The following BSX variants were observed in gnomAD, a reference collection of about 807,000 sequenced individuals.
BSX encodes brain-specific homeobox protein homolog.
A neutral mutation model predicts 16.9 loss-of-function variants in BSX; 12 were observed. The ratio of observed to expected loss-of-function variants is 0.71; its 90% confidence interval spans 0.46 to 1.15. The LOEUF (loss-of-function observed/expected upper bound fraction) is 1.15, where lower values mean the gene tolerates loss of function less well. Ranked by LOEUF, BSX falls within the 50% of genes most tolerant of loss-of-function variation. The pLI is 0.00. For missense variants in BSX, 292 were observed against 311.8 expected, an observed-to-expected ratio of 0.94 and a Z score of 0.48; for synonymous variants, 160 against 136.4, an observed-to-expected ratio of 1.17 and a Z score of -1.20.
In BSX at chr11:122,979,448, A is replaced by T; in HGVS notation, c.272T>A (p.Val91Asp). 1 of 1,611,728 alleles carries T rather than the reference A, an allele frequency of 6.2e-7. No homozygotes were observed. The highest frequency in any genetic ancestry group is 8.5e-7 in the Non-Finnish European group (1 of 1,179,588). ...CTGCGGGTGCGGGAACAGCGCTGGG[A>T]CTGGCATCCCTGCAGAGAGAAGAGC... ...PYFLTTSGMP[V>D]PALFPHPQHA... Residue 91 changes from valine to aspartate, a missense_variant, in exon 2 of 3, where the codon GTC becomes GAC. Val to Asp is a radical substitution (Grantham distance 152). This residue lies in a region of BSX where 176 missense variants were observed against 187.2 expected (regional missense o/e 0.94). Coordinates refer to ENST00000343035, the MANE Select transcript of BSX (RefSeq NM_001098169.2).
chr11:122,977,614 C>T lies in BSX; in HGVS notation c.*35G>A. On this transcript the variant is annotated 3_prime_UTR_variant, in exon 3 of 3. Transcript: ENST00000343035. The surrounding 1 kb of genome is among the most constrained non-coding windows in gnomAD (Gnocchi z 4.5). ...GGAACCGCGCTCGGCCCCGCAGTCT[C>T]CTCCCCTGCCTACTACCCTCCCCAG... 1.3e-6 allele frequency: 2 copies of T among 1,585,546 alleles called. No homozygotes were observed. The highest frequency in any genetic ancestry group is 1.7e-6 in the Non-Finnish European group (2 of 1,173,688).
At position 122,981,725 on chromosome 11, in the gene BSX, G is replaced by C; in HGVS notation, c.-54C>G. ...GGGCCGGGACGAAGTGGAGGACGCA[G>C]GCAGAGTCTCCAAGCCTGCTCGAAA... On this transcript the variant is annotated 5_prime_UTR_variant, in exon 1 of 3. Transcript: ENST00000343035. 1 of 1,513,622 alleles carries C rather than the reference G, an allele frequency of 6.6e-7. No individual in the cohort carries two copies. Among genetic ancestry groups the C allele is most frequent in the South Asian group, 1.3e-5 (1 of 77,246 alleles). The allele number at this position is 1,513,622 out of a possible 1,614,324, so 93.8% of individuals were successfully genotyped here.
rs1864521319 is a variant in BSX, at chr11:122,978,146, C to T, written c.460-255G>A. ...TGCATATTGTTATGAATTAGAACTA[C>T]TAATAGTAGGTGCTGCGTGGGCAAG... is the stretch of plus-strand genomic sequence containing the variant. On this transcript the variant is annotated intron_variant, in intron 2 of 2. Transcript: ENST00000343035. 2.6e-5 allele frequency among the ~76,000 whole-genome samples: 4 copies of T among 152,148 alleles called. No homozygotes were observed. In the South Asian group the frequency reaches 8.3e-4, roughly 31 times the overall value.
At chr11:122,979,133 G>T in intron 2 of BSX, 128 bp downstream of exon 2, 1 of 957,544 alleles carries the variant, frequency 1.0e-6, no homozygotes, top group Middle Eastern at 2.2e-4. Context: ...AAAGCTCTTG[G>T]GAAAGGCTTA....
In BSX at chr11:122,977,817, T is replaced by C; in HGVS notation, c.534A>G (p.Ala178=). 6.2e-7 allele frequency: 1 copy of C among 1,613,930 alleles called. No homozygotes were observed. Among genetic ancestry groups the C allele is most frequent in the Non-Finnish European group, 8.5e-7 (1 of 1,179,898 alleles). ...QLRKSQDEPK[A]PDGPESPEGS... Reference sequence around the variant, plus strand: ...CCTCGGGGCTTTCTGGCCCGTCTGGTGCTTTGGGTTCGTCTTGGCTTTTCC... The same window carrying C: ...CCTCGGGGCTTTCTGGCCCGTCTGGCGCTTTGGGTTCGTCTTGGCTTTTCC... The change falls in exon 3 of 3, where the codon GCA becomes GCG. Residue 178 remains alanine (A), a synonymous_variant. Coordinates refer to ENST00000343035, the MANE Select transcript of BSX (RefSeq NM_001098169.2). The surrounding 1 kb of genome is among the most constrained non-coding windows in gnomAD (Gnocchi z 4.5).
In BSX at chr11:122,977,691, A is replaced by G. The variant is rs1020807635; in HGVS notation, c.660T>C (p.Ile220=). 5 of 1,612,118 alleles carry G rather than the reference A, an allele frequency of 3.1e-6. No homozygotes were observed. The highest frequency in any genetic ancestry group is 2.7e-5 in the African/African-American group (2 of 74,978). The change falls in exon 3 of 3, where the codon ATT becomes ATC. Residue 220 remains isoleucine (I), a synonymous_variant. Transcript: ENST00000343035. The surrounding 1 kb of genome is among the most constrained non-coding windows in gnomAD (Gnocchi z 4.5). ...CTGAGCCCAGCTCCCCCTCGTCTCC[A>G]ATGTCCACCTCGTCCTCTGGCTCGG... is the stretch of plus-strand genomic sequence containing the variant. ...VLTEPEDEVD[I]GDEGELGSGP...
chr11:122,981,332 G>A, intron 1 of BSX, 78 bp downstream of exon 1: 3 of 1,356,718 alleles, frequency 2.2e-6, no homozygotes, highest in Non-Finnish European at 2.9e-6. Flanking sequence ...GCCTTTCCTT[G>A]ACTCCATCAC....
intron 2 of BSX, among the ~76,000 whole-genome samples, 181 bp downstream of exon 2, chr11:122,979,080 A>G (rs536665579): frequency 7.7e-4 from 117 of 152,210 alleles, no homozygotes; most frequent in African/African-American, 2.7e-3. Flanking sequence ...CTGGGATTAC[A>G]GGCGTGAGCC....
chr11:122,979,787 G>A (rs751317157), intron 1 of BSX, among the ~76,000 whole-genome samples: 1 of 152,136 alleles, frequency 6.6e-6, no homozygotes, highest in Non-Finnish European at 1.5e-5. Flanking sequence ...ACTTCCGTAG[G>A]GTCGGCCAGC....
At position 122,977,589 on chromosome 11, in the gene BSX, G is replaced by C. The variant is rs1591410424; in HGVS notation, c.*60C>G. 3.9e-6 allele frequency: 6 copies of C among 1,544,836 alleles called. No individual in the cohort carries two copies. Among genetic ancestry groups the C allele is most frequent in the Admixed American group, 4.0e-5 (2 of 49,716 alleles). The stretch of plus-strand genomic sequence containing the variant: ...GAGTCTGAGTCTTCCGGTCCAGGAG[G>C]GAACCGCGCTCGGCCCCGCAGTCTC... On this transcript the variant is annotated 3_prime_UTR_variant, in exon 3 of 3. Transcript: ENST00000343035. This position sits in a 1 kb window ranked among gnomAD's most constrained non-coding sequence, Gnocchi z 4.5.
chr11:122,979,431 G>A lies in BSX; in HGVS notation c.289C>T (p.His97Tyr), dbSNP rs1216809676. The stretch of plus-strand genomic sequence containing the variant: ...CCCGGCAGCTCCGCGTGCTGCGGGT[G>A]CGGGAACAGCGCTGGGACTGGCATC... Reference protein sequence around the residue: ...SGMPVPALFPHPQHAELPGKH... With the variant: ...SGMPVPALFPYPQHAELPGKH... Residue 97 changes from histidine to tyrosine, a missense_variant, in exon 2 of 3, where the codon CAC becomes TAC. Around this residue, in one of 3 missense-constraint regions of BSX, gnomAD observed 176 missense variants for 187.2 expected, o/e 0.94. Coordinates refer to ENST00000343035, the MANE Select transcript of BSX (RefSeq NM_001098169.2). The A allele has an allele frequency of 1.2e-6, 2 of 1,613,014 alleles. No homozygotes were observed. The highest frequency in any genetic ancestry group is 2.2e-5 in the East Asian group (1 of 44,854).
intron 1 of BSX, 88 bp downstream of exon 1, chr11:122,981,322 G>A (rs1864565725): frequency 7.7e-7 from 1 of 1,304,046 alleles, no homozygotes; most frequent in Non-Finnish European, 1.0e-6. Context: ...AGCCAGTCTG[G>A]CCTTTCCTTG....
Position 122,980,279 on chromosome 11 carries a change from G to A in BSX, c.263-822C>T, listed in dbSNP as rs376114242. On this transcript the variant is annotated intron_variant, in intron 1 of 2. Transcript: ENST00000343035. ...CTGTCTGAGACGCACCAAGCAGAGA[G>A]AAGCTGCCACAAGCAACATCGGCCA... Among the ~76,000 whole-genome samples, 8 of 152,130 alleles carry A rather than the reference G, an allele frequency of 5.3e-5. No individual in the cohort carries two copies. In the East Asian group the frequency reaches 5.8e-4, roughly 11 times the overall value.
intron 1 of BSX, among the ~76,000 whole-genome samples, chr11:122,981,131 G>A (rs998086982): frequency 2.0e-5 from 3 of 152,318 alleles, no homozygotes; most frequent in African/African-American, 7.2e-5. Flanking sequence ...TGCCTACCAA[G>A]AGTATCGTCA....
Position 122,981,589 on chromosome 11 carries a change from T to C in BSX, c.83A>G (p.His28Arg). ...CACCTCTCTCAGCGGCTTGGGCTTG[T>C]GCAGCAGGATGTCCTCGATGAAGAA... ...TSFFIEDILL[H>R]KPKPLREVAP... The change falls in exon 1 of 3, where the codon CAC becomes CGC. Residue 28 changes from histidine (H) to arginine (R), a missense_variant. By Grantham distance (29) the His-to-Arg change is conservative (BLOSUM62 0). Coordinates refer to ENST00000343035, the MANE Select transcript of BSX (RefSeq NM_001098169.2). The C allele has an allele frequency of 1.3e-6, 2 of 1,598,504 alleles. No individual in the cohort carries two copies. The highest frequency in any genetic ancestry group is 1.7e-6 in the Non-Finnish European group (2 of 1,172,896).
chr11:122,979,601 C>A, intron 1 of BSX, 144 bp from the exon 2 acceptor site: 1 of 596,730 alleles, frequency 1.7e-6, no homozygotes, highest in Non-Finnish European at 2.8e-6. Flanking sequence ...GCCCCTCAAG[C>A]CTTTCTCTCA....
At chr11:122,978,773 CTTTTTTTTTTCTTTTTCTTTTCT>C in intron 2 of BSX, among the ~76,000 whole-genome samples, 1 of 101,268 alleles carries the variant, frequency 9.9e-6, no homozygotes, top group Non-Finnish European at 2.1e-5. Context: ...GGTGTCGGTA[CTTTTTTTTTTCTTTTTCTTTTCT>C]TTTTTTTTTT....
chr11:122,979,362 A>G lies in BSX; in HGVS notation c.358T>C (p.Ser120Pro). 1 of 1,614,174 alleles carries G rather than the reference A, an allele frequency of 6.2e-7. No homozygotes were observed. Among genetic ancestry groups the G allele is most frequent in the Non-Finnish European group, 8.5e-7 (1 of 1,180,018 alleles). The change falls in exon 2 of 3, where the codon TCG becomes CCG. Residue 120 changes from serine to proline, a missense_variant. Physicochemically the swap from Ser to Pro is moderately conservative, Grantham distance 74. This residue lies in a region of BSX where 176 missense variants were observed against 187.2 expected (regional missense o/e 0.94). Coordinates refer to ENST00000343035, the MANE Select transcript of BSX (RefSeq NM_001098169.2). ...RRKARTVFSDSQLSGLEKRFE... is the reference protein window; with the variant it reads ...RRKARTVFSDPQLSGLEKRFE... ...CTCTTCTCCAAGCCCGAGAGCTGCG[A>G]GTCAGAGAAAACCGTGCGGGCTTTG...
In BSX at chr11:122,979,409, G is replaced by C. The variant is rs1406829322; in HGVS notation, c.311C>G (p.Pro104Arg). The change falls in exon 2 of 3, where the codon CCG (proline) becomes CGG (arginine). Residue 104 changes from proline (P) to arginine (R), a missense_variant. Around this residue, in one of 3 missense-constraint regions of BSX, gnomAD observed 176 missense variants for 187.2 expected, o/e 0.94. Transcript: ENST00000343035. The part of the protein sequence containing the change: ...LFPHPQHAEL[P>R]GKHCRRRKAR... ...TTTGCGGCGGCGGCAGTGCTTCCCC[G>C]GCAGCTCCGCGTGCTGCGGGTGCGG... 1 of 1,613,692 alleles carries C rather than the reference G, an allele frequency of 6.2e-7. No individual in the cohort carries two copies. The highest frequency in any genetic ancestry group is 1.7e-5 in the Admixed American group (1 of 60,006).
Sources: allele counts gnomAD v4.1 joint callset (sites outside exome capture counted in the v4.1 genomes callset), GRCh38; gene constraint gnomAD v4.1.1; regional missense constraint gnomAD v4.1.1; non-coding constraint Gnocchi (gnomAD v3.1); transcripts MANE v1.5; gene names NCBI Gene and HGNC (gene_info 2026-07-23, HGNC 2026-07-21).